The following C1orf53 variants were observed in gnomAD, a reference collection of about 807,000 sequenced individuals.
The protein encoded by C1orf53 is uncharacterized protein C1orf53.
A neutral mutation model predicts 17.5 loss-of-function variants in C1orf53; 23 were observed. The ratio of observed to expected loss-of-function variants is 1.31; its 90% confidence interval spans 0.94 to 1.86. The LOEUF is 1.86. Ranked by LOEUF, C1orf53 falls within the 40% of genes most tolerant of loss-of-function variation. The probability of loss-of-function intolerance (pLI) is 0.00; values close to 1 mark genes in which losing one functional copy is unlikely to be tolerated. For synonymous variants in C1orf53, 108 were observed against 81.9 expected, an observed-to-expected ratio of 1.32 and a Z score of -1.72; for missense variants, 255 against 193.2, an observed-to-expected ratio of 1.32 and a Z score of -1.89.
chr1:197,905,285 T>TGAAG (rs1230298974), intron 1 of C1orf53, among the ~76,000 whole-genome samples: 1 of 151,852 alleles, frequency 6.6e-6, no homozygotes, highest in Non-Finnish European at 1.5e-5. Flanking sequence ...AAGTAACACA[T>TGAAG]GAAGGTAAAG....
rs1659452160 is a variant in C1orf53 at position 197,902,917 on chromosome 1, A to G, written c.264+4A>G. ...GCTGCACGCTGCCGCCTGCGCGGTG[A>G]GACTCCCTCCTGCCCGCCCCGCCCC... is the stretch of plus-strand genomic sequence containing the variant. On this transcript the variant is annotated splice_donor_region_variant and intron_variant, in intron 1 of 2. Coordinates refer to ENST00000367393, the MANE Select transcript of C1orf53 (RefSeq NM_001024594.3). 4 of 1,450,146 alleles carry G rather than the reference A, an allele frequency of 2.8e-6. No homozygotes were observed. The highest frequency in any genetic ancestry group is 3.0e-5 in the East Asian group (1 of 33,044). The allele number at this position is 1,450,146 out of a possible 1,614,324, so 89.8% of individuals were successfully genotyped here. A position where few individuals can be genotyped will look rare whatever the true frequency, so the allele number is the denominator to read the frequency against.
chr1:197,904,808 T>A (rs1343342577), intron 1 of C1orf53, among the ~76,000 whole-genome samples: 2 of 152,196 alleles, frequency 1.3e-5, no homozygotes, highest in Non-Finnish European at 2.9e-5. Context: ...TCAACCAGAA[T>A]AAAATATTCT....
At chr1:197,904,785 T>C (rs1258329201) in intron 1 of C1orf53, among the ~76,000 whole-genome samples, 8 of 152,200 alleles carry the variant, frequency 5.3e-5, no homozygotes, top group Non-Finnish European at 7.3e-5. Flanking sequence ...ATGAAACATA[T>C]TGGGTTAAAA....
Position 197,907,275 on chromosome 1 carries a change from C to A in C1orf53, c.*55C>A. ...GCTTGTATTTTTTAAAAAATAAAGCCCCAATTCAGAATTGCTGGATTATTA... is the reference window on the plus strand; with the variant it reads ...GCTTGTATTTTTTAAAAAATAAAGCACCAATTCAGAATTGCTGGATTATTA... On this transcript the variant is annotated 3_prime_UTR_variant, in exon 3 of 3. Coordinates refer to ENST00000367393, the MANE Select transcript of C1orf53 (RefSeq NM_001024594.3). The A allele has an allele frequency of 9.8e-7, 1 of 1,015,594 alleles. No individual in the cohort carries two copies. The highest frequency in any genetic ancestry group is 1.5e-6 in the Non-Finnish European group (1 of 672,704). 62.9% of individuals were successfully genotyped at this position (1,015,594 alleles called of 1,614,324 possible). A position where few individuals can be genotyped will look rare whatever the true frequency, so the allele number is the denominator to read the frequency against.
chr1:197,907,179 C>G lies in C1orf53; in HGVS notation c.397C>G (p.Pro133Ala). 3 of 1,582,704 alleles carry G rather than the reference C, an allele frequency of 1.9e-6. No homozygotes were observed. Among genetic ancestry groups the G allele is most frequent in the Non-Finnish European group, 2.6e-6 (3 of 1,156,568 alleles). Residue 133 changes from proline to alanine, a missense_variant, in exon 3 of 3, where the codon CCA becomes GCA. Physicochemically the swap from Pro to Ala is conservative, Grantham distance 27. Transcript: ENST00000367393. ...CPYGQVNVKD[P>A]SKKKQFNSYF... The stretch of plus-strand genomic sequence containing the variant: ...ATATGGTCAAGTCAATGTTAAAGAT[C>G]CATCTAAAAAGAAGCAATTCAATTC...
At chr1:197,905,450 G>A (rs1659507521) in intron 1 of C1orf53, 2 of 162,656 alleles carry the variant, frequency 1.2e-5, no homozygotes, top group Non-Finnish European at 2.7e-5. Context: ...AGCCTCTTAA[G>A]CTCTTAAAAT....
In C1orf53 at chr1:197,902,641, G is replaced by T. The variant is rs187866458; in HGVS notation, c.-9G>T. The T allele has an allele frequency of 5.8e-4, 826 of 1,416,360 alleles. 3 individuals carry two copies. Among genetic ancestry groups the T allele is most frequent in the Middle Eastern group, 5.0e-3 (20 of 3,980 alleles). 87.7% of individuals were successfully genotyped at this position (1,416,360 alleles called of 1,614,324 possible). A position where few individuals can be genotyped will look rare whatever the true frequency, so the allele number is the denominator to read the frequency against. On this transcript the variant is annotated 5_prime_UTR_variant, in exon 1 of 3. Coordinates refer to ENST00000367393, the MANE Select transcript of C1orf53 (RefSeq NM_001024594.3). ...GCCGGGTGCTCCGCCTCCCAAGGCC[G>T]GCGGCGGCATGGCGGCCAGGCAGAT...
At chr1:197,905,990 C>T in intron 2 of C1orf53, 93 bp downstream of exon 2, 1 of 963,382 alleles carries the variant, frequency 1.0e-6, no homozygotes, top group Non-Finnish European at 1.7e-6. Flanking sequence ...AAATAAAAAA[C>T]CAAATAGACC....
At chr1:197,904,983 T>A (rs1659498251) in intron 1 of C1orf53, among the ~76,000 whole-genome samples, 1 of 152,138 alleles carries the variant, frequency 6.6e-6, no homozygotes. Flanking sequence ...CCATGGGAGT[T>A]CCTCTACAAA....
Position 197,907,262 on chromosome 1 carries a change from T to A in C1orf53, c.*42T>A, listed in dbSNP as rs780660842. 4.2e-6 allele frequency: 5 copies of A among 1,185,624 alleles called. No homozygotes were observed. The highest frequency in any genetic ancestry group is 1.9e-4 in the Middle Eastern group (1 of 5,202). The allele number at this position is 1,185,624 out of a possible 1,614,324, so 73.4% of individuals were successfully genotyped here. Reference sequence around the variant, plus strand: ...GTTCCCTAACTGTGCTTGTATTTTTTAAAAAATAAAGCCCCAATTCAGAAT... The same window carrying A: ...GTTCCCTAACTGTGCTTGTATTTTTAAAAAAATAAAGCCCCAATTCAGAAT... On this transcript the variant is annotated 3_prime_UTR_variant, in exon 3 of 3. Transcript: ENST00000367393.
intron 2 of C1orf53, among the ~76,000 whole-genome samples, chr1:197,906,378 A>ATC (rs1035690227): frequency 8.4e-5 from 11 of 131,268 alleles, no homozygotes; most frequent in East Asian, 4.3e-4. Context: ...TCTTCTTTCC[A>ATC]TCTCTCTCTC....
At chr1:197,904,039 G>A (rs1006009507) in intron 1 of C1orf53, among the ~76,000 whole-genome samples, 18 of 152,180 alleles carry the variant, frequency 1.2e-4, no homozygotes, top group Non-Finnish European at 5.9e-5. Context: ...TTTCTCACTC[G>A]GGAAATTCAC....
intron 1 of C1orf53, among the ~76,000 whole-genome samples, chr1:197,905,318 G>A (rs1030220418): frequency 3.3e-5 from 5 of 152,112 alleles, no homozygotes; most frequent in African/African-American, 4.8e-5. Context: ...AATAGCAAAG[G>A]TAATACTTTT....
Position 197,903,034 on chromosome 1 carries a change from G to T in C1orf53, c.264+121G>T, listed in dbSNP as rs544876283. On this transcript the variant is annotated intron_variant, in intron 1 of 2. Transcript: ENST00000367393. ...GCAGAGGCAAAGGTTGCTGGATACCGGTGCGGTCCTGCCTCGGGCGACATT... is the reference window on the plus strand; with the variant it reads ...GCAGAGGCAAAGGTTGCTGGATACCTGTGCGGTCCTGCCTCGGGCGACATT... 3.4e-4 allele frequency: 326 copies of T among 946,346 alleles called. 1 individual carries two copies. The highest frequency in any genetic ancestry group is 1.5e-3 in the African/African-American group (89 of 57,704). 58.6% of individuals were successfully genotyped at this position (946,346 alleles called of 1,614,324 possible).
At chr1:197,903,569 C>T (rs1369271633) in intron 1 of C1orf53, among the ~76,000 whole-genome samples, 1 of 151,992 alleles carries the variant, frequency 6.6e-6, no homozygotes, top group Non-Finnish European at 1.5e-5. Context: ...GCATGGTTAC[C>T]TTTACAAAAG....
chr1:197,906,114 C>T (rs1659520380), intron 2 of C1orf53, among the ~76,000 whole-genome samples: 1 of 152,150 alleles, frequency 6.6e-6, no homozygotes, highest in African/African-American at 2.4e-5. Context: ...GCATCAGTTC[C>T]TTGAAATGCT....
At chr1:197,904,131 T>A (rs959466187) in intron 1 of C1orf53, among the ~76,000 whole-genome samples, 2 of 152,202 alleles carry the variant, frequency 1.3e-5, no homozygotes, top group Non-Finnish European at 2.9e-5. Flanking sequence ...ACAAGCTGCT[T>A]GTTTTTCTTT....
In C1orf53 at chr1:197,902,728, C is replaced by T; in HGVS notation, c.79C>T (p.Leu27Phe). Residue 27 changes from leucine to phenylalanine, a missense_variant, in exon 1 of 3, where the codon CTC becomes TTC. Coordinates refer to ENST00000367393, the MANE Select transcript of C1orf53 (RefSeq NM_001024594.3). ...TTCCGCCGCCCCGCCGCCAGCACCT[C>T]TCTGGGTAAGAGCTGGGTTCCGACA... ...QPSAAPPPAP[L>F]WVRAGFRQQL... 6.4e-7 allele frequency: 1 copy of T among 1,557,540 alleles called. No individual in the cohort carries two copies. The highest frequency in any genetic ancestry group is 8.6e-7 in the Non-Finnish European group (1 of 1,160,266).
intron 1 of C1orf53, 147 bp downstream of exon 1, chr1:197,903,060 C>T: frequency 1.5e-6 from 1 of 688,636 alleles, no homozygotes; most frequent in East Asian, 3.6e-5. Context: ...GGGCGACATT[C>T]GCGCACGCAC....
Sources: gnomAD v4.1 joint callset for allele counts (sites outside exome capture counted in the v4.1 genomes callset) on GRCh38, gnomAD v4.1.1 for gene constraint, MANE v1.5 for transcripts, NCBI Gene and HGNC (gene_info 2026-07-23, HGNC 2026-07-21) for gene names.